ZNF17: variants seen among roughly 807,000 people sequenced by gnomAD.
ZNF17 encodes the protein zinc finger protein 17 (HPF3, KOX 10).
Under a neutral mutation model 7.7 loss-of-function variants are expected in ZNF17, and 4 were observed. The ratio of observed to expected loss-of-function variants is 0.52; its 90% CI spans 0.26 to 1.20. The LOEUF (loss-of-function observed/expected upper bound fraction) is 1.20, where lower values mean the gene tolerates loss of function less well. Ranked by LOEUF, ZNF17 falls within the 50% of genes most tolerant of loss-of-function variation. ZNF17 has a pLI of 0.14. For synonymous variants in ZNF17, 249 were observed against 258.8 expected (o/e 0.96, Z 0.36); for missense variants, 738 against 799.5 (o/e 0.92, Z 0.93).
At chr19:57,415,154 G>A (rs2088804026) in intron 2 of ZNF17, among the ~76,000 whole-genome samples, 2 of 152,314 alleles carry the variant, frequency 1.3e-5, no homozygotes, top group South Asian at 4.1e-4. Context: ...AGTGGCGGCT[G>A]TGGAGGTGGG....
intron 1 of ZNF17, chr19:57,413,355 A>T (rs1426228568): frequency 7.8e-6 from 4 of 515,836 alleles, no homozygotes; most frequent in Non-Finnish European, 1.1e-5. Flanking sequence ...CATAGTGTGT[A>T]CTACTTATAT....
rs749345981 is a variant in ZNF17, at chr19:57,421,271, C to A, written c.1785C>A (p.Asp595Glu). ...GCAAATGTGGGAAATTTTTTATGGA[C>A]AGCTCCACACTCATTAGTCATGAGA... The part of the protein sequence containing the change: ...KCSKCGKFFM[D>E]SSTLISHERV... Residue 595 changes from aspartate (D) to glutamate (E), a missense_variant, in exon 4 of 4, where the codon GAC becomes GAA. Transcript: ENST00000307658. The A allele has an allele frequency of 5.6e-6, 9 of 1,613,660 alleles. No homozygotes were observed. The African/African-American group carries it at 1.1e-4, about 19-fold the overall frequency.
rs1399120995 is a variant in ZNF17, at chr19:57,421,734, C to G, written c.*253C>G. ...AAACCTTATTCCTCACTCCATCCAGCCTCTTGACAAGCACCGCTCTGTATG... is the reference window on the plus strand; with the variant it reads ...AAACCTTATTCCTCACTCCATCCAGGCTCTTGACAAGCACCGCTCTGTATG... On this transcript the variant is annotated 3_prime_UTR_variant, in exon 4 of 4. Coordinates refer to ENST00000307658, the MANE Select transcript of ZNF17 (RefSeq NM_001330617.2). The G allele has an allele frequency of 1.1e-5, 4 of 375,200 alleles. No individual in the cohort carries two copies. Among genetic ancestry groups the G allele is most frequent in the Non-Finnish European group, 1.9e-5 (4 of 212,536 alleles). The allele number at this position is 375,200 out of a possible 1,614,324, so 23.2% of individuals were successfully genotyped here.
At chr19:57,411,995 G>A (rs932409198) in intron 1 of ZNF17, among the ~76,000 whole-genome samples, 1 of 152,196 alleles carries the variant, frequency 6.6e-6, no homozygotes, top group African/African-American at 2.4e-5. Flanking sequence ...GTCAGCTTAG[G>A]GAGCAGGTTT....
intron 2 of ZNF17, among the ~76,000 whole-genome samples, chr19:57,417,450 T>C (rs2088817627): frequency 6.6e-6 from 1 of 152,190 alleles, no homozygotes; most frequent in South Asian, 2.1e-4. Context: ...GTTCAGTCTA[T>C]GGGATCTGGA....
At position 57,411,239 on chromosome 19, in the gene ZNF17, A is replaced by T; in HGVS notation, c.-188A>T. The T allele has an allele frequency of 8.8e-7, 1 of 1,131,266 alleles. No homozygotes were observed. The highest frequency in any genetic ancestry group is 1.2e-6 in the Non-Finnish European group (1 of 810,580). The allele number at this position is 1,131,266 out of a possible 1,614,324, so 70.1% of individuals were successfully genotyped here. On this transcript the variant is annotated 5_prime_UTR_variant, in exon 1 of 4. The change creates a new upstream start codon in the 5' untranslated region. Transcript: ENST00000307658. ...GGCTGAGTCGAGACTGAGGTGAAAA[A>T]GCGGAAAAACGCGAGAAAAGGTTTC...
chr19:57,412,834 A>G (rs917441342), intron 1 of ZNF17, among the ~76,000 whole-genome samples: 10 of 152,064 alleles, frequency 6.6e-5, no homozygotes, highest in African/African-American at 1.4e-4. Flanking sequence ...AATGTAACCA[A>G]TAGTTAAATT....
At position 57,420,408 on chromosome 19, in the gene ZNF17, G is replaced by A. The variant is rs748078035; in HGVS notation, c.922G>A (p.Glu308Lys). 8.5e-5 allele frequency: 137 copies of A among 1,614,046 alleles called. 2 individuals are homozygous for A. The South Asian group carries it at 1.5e-3, about 17-fold the overall frequency. ...CAGGCCAAGGCCTTATGTGTGTAGTGAATGTGGGAAGGCCTTCCTTACACA... is the reference window on the plus strand; with the variant it reads ...CAGGCCAAGGCCTTATGTGTGTAGTAAATGTGGGAAGGCCTTCCTTACACA... Reference protein sequence around the residue: ...HTRPRPYVCSECGKAFLTQAH... With the variant: ...HTRPRPYVCSKCGKAFLTQAH... Residue 308 changes from glutamate (E) to lysine (K), a missense_variant, in exon 4 of 4, where the codon GAA becomes AAA. Glu to Lys is a moderately conservative substitution (Grantham distance 56, BLOSUM62 1). Coordinates refer to ENST00000307658, the MANE Select transcript of ZNF17 (RefSeq NM_001330617.2).
chr19:57,415,884 C>T (rs764386360), intron 2 of ZNF17, among the ~76,000 whole-genome samples: 18 of 151,932 alleles, frequency 1.2e-4, no homozygotes, highest in African/African-American at 1.9e-4. Flanking sequence ...TAGTTTCACG[C>T]GAACTCTGAG....
chr19:57,415,670 T>G (rs2088807101), intron 2 of ZNF17, among the ~76,000 whole-genome samples: 1 of 152,058 alleles, frequency 6.6e-6, no homozygotes, highest in African/African-American at 2.4e-5. Context: ...GTGGATGGAC[T>G]GAGGATATGT....
In ZNF17 at chr19:57,420,191, T is replaced by G. The variant is rs1568539077; in HGVS notation, c.705T>G (p.Leu235=). 1 of 1,613,034 alleles carries G rather than the reference T, an allele frequency of 6.2e-7. No individual in the cohort carries two copies. Among genetic ancestry groups the G allele is most frequent in the Non-Finnish European group, 8.5e-7 (1 of 1,179,102 alleles). The change falls in exon 4 of 4, where the codon CTT becomes CTG. Residue 235 remains leucine, a synonymous_variant. Transcript: ENST00000307658. ...AATTGTTTAGGTACAACTCCGACCTTATTAAACATCAGCGAAATCATACTG... is the reference window on the plus strand; with the variant it reads ...AATTGTTTAGGTACAACTCCGACCTGATTAAACATCAGCGAAATCATACTG... ...CGKLFRYNSD[L]IKHQRNHTGE...
chr19:57,413,697 G>A lies in ZNF17; in HGVS notation c.21+61G>A, dbSNP rs917871420. ...AGATGGTTTCAGCATGCTGATATAGGGAATGGTGTTATCCTGAGACTGTTC... is the reference window on the plus strand; with the variant it reads ...AGATGGTTTCAGCATGCTGATATAGAGAATGGTGTTATCCTGAGACTGTTC... On this transcript the variant is annotated intron_variant, in intron 2 of 3. Coordinates refer to ENST00000307658, the MANE Select transcript of ZNF17 (RefSeq NM_001330617.2). 3.3e-5 allele frequency: 50 copies of A among 1,520,264 alleles called. 1 individual carries two copies. In the African/African-American group the frequency reaches 4.7e-4, roughly 14 times the overall value. The allele number at this position is 1,520,264 out of a possible 1,614,324, so 94.2% of individuals were successfully genotyped here.
At position 57,420,504 on chromosome 19, in the gene ZNF17, T is replaced by C; in HGVS notation, c.1018T>C (p.Tyr340His). 6.2e-7 allele frequency: 1 copy of C among 1,613,988 alleles called. No homozygotes were observed. The highest frequency in any genetic ancestry group is 1.6e-4 in the Middle Eastern group (1 of 6,062). ...TTATGGATGCAATGAATGTGGGAAA[T>C]ACTTTATGTACAGTTCAGCACTCAT... Reference protein sequence around the residue: ...RPYGCNECGKYFMYSSALIRH... With the variant: ...RPYGCNECGKHFMYSSALIRH... Residue 340 changes from tyrosine to histidine, a missense_variant, in exon 4 of 4, where the codon TAC becomes CAC. Coordinates refer to ENST00000307658, the MANE Select transcript of ZNF17 (RefSeq NM_001330617.2).
chr19:57,417,126 A>G (rs1214917056), intron 2 of ZNF17, among the ~76,000 whole-genome samples: 2 of 152,334 alleles, frequency 1.3e-5, no homozygotes, highest in African/African-American at 2.4e-5. Flanking sequence ...GTGAGAAATC[A>G]TACCTGGATG....
chr19:57,417,926 T>C lies in ZNF17; in HGVS notation c.36T>C (p.Phe12=). ...LMDAGQDYMV[F]EDVAIHFSQE... is the part of the protein sequence containing the mutation. ...AATTTTGGCAGGATTATATGGTTTT[T>C]GAGGACGTGGCCATACATTTCTCCC... The change falls in exon 3 of 4, where the codon TTT becomes TTC. Residue 12 remains phenylalanine, a synonymous_variant. Coordinates refer to ENST00000307658, the MANE Select transcript of ZNF17 (RefSeq NM_001330617.2). 1 of 1,614,104 alleles carries C rather than the reference T, an allele frequency of 6.2e-7. No individual in the cohort carries two copies. Among genetic ancestry groups the C allele is most frequent in the Non-Finnish European group, 8.5e-7 (1 of 1,180,018 alleles).
intron 1 of ZNF17, among the ~76,000 whole-genome samples, chr19:57,412,155 G>A (rs966652183): frequency 1.3e-5 from 2 of 152,182 alleles, no homozygotes; most frequent in Non-Finnish European, 2.9e-5. Context: ...GTTCTGAATG[G>A]GTTAAGGAAC....
At chr19:57,411,750 GA>G (rs1229506622) in intron 1 of ZNF17, 4 of 1,046,020 alleles carry the variant, frequency 3.8e-6, no homozygotes, top group Admixed American at 4.4e-5. Context: ...TTAAAGTTGG[GA>G]AAAACAGGAT....
intron 2 of ZNF17, among the ~76,000 whole-genome samples, chr19:57,416,581 G>T (rs905416097): frequency 6.6e-6 from 1 of 152,042 alleles, no homozygotes; most frequent in African/African-American, 2.4e-5. Flanking sequence ...CGCGATCTCG[G>T]CTCACTGCAA....
chr19:57,414,890 T>A (rs1310381234), intron 2 of ZNF17, among the ~76,000 whole-genome samples: 1 of 151,702 alleles, frequency 6.6e-6, no homozygotes, highest in Non-Finnish European at 1.5e-5. Flanking sequence ...TTTTTTTGTA[T>A]TTTTTAGTAG....
Sources: gnomAD v4.1 joint callset for allele counts (sites outside exome capture counted in the v4.1 genomes callset) on GRCh38, gnomAD v4.1.1 for gene constraint, MANE v1.5 for transcripts, NCBI Gene and HGNC (gene_info 2026-07-23, HGNC 2026-07-21) for gene names.